The following WTIP variants were observed in gnomAD, a reference collection of about 807,000 sequenced individuals.
WTIP encodes Wilms tumor protein 1-interacting protein.
WTIP carries 23 observed loss-of-function variants against 41.7 expected under a neutral mutation model. That is an observed-to-expected ratio of 0.55 (90% confidence interval 0.40 to 0.78). The LOEUF (loss-of-function observed/expected upper bound fraction) is 0.78. Ranked by LOEUF, WTIP falls within the 30% of genes least tolerant of loss-of-function variation. The pLI, the probability that WTIP is intolerant of heterozygous loss-of-function variation, is 0.00. For synonymous variants in WTIP, 314 were observed against 269.9 expected, an observed-to-expected ratio of 1.16 and a Z score of -1.60; for missense variants, 619 against 610.5, an observed-to-expected ratio of 1.01 and a Z score of -0.15.
In WTIP at chr19:34,506,114, G is replaced by C. The variant is rs773199296; in HGVS notation, c.*5845G>C. The C allele has an allele frequency of 6.6e-6, 1 of 152,060 alleles. No homozygotes were observed. The highest frequency in any genetic ancestry group is 2.4e-5 in the African/African-American group (1 of 41,376). The allele number at this position is 152,060 out of a possible 1,614,324, so 9.4% of individuals were successfully genotyped here. On this transcript the variant is annotated 3_prime_UTR_variant, in exon 8 of 8. Transcript: ENST00000590071. Reference sequence around the variant, plus strand: ...CTTCTGCGCTCTGAATGTGCACTCCGCGTGTTCAGATGCTCATGGTTTCTG... The same window carrying C: ...CTTCTGCGCTCTGAATGTGCACTCCCCGTGTTCAGATGCTCATGGTTTCTG...
intron 5 of WTIP, 50 bp from the exon 6 acceptor site, chr19:34,494,536 T>C: frequency 6.3e-7 from 1 of 1,592,000 alleles, no homozygotes; most frequent in South Asian, 1.1e-5. Context: ...CTTGTGCCCT[T>C]GGCCTCTGGT....
Position 34,482,256 on chromosome 19 carries a change from G to T in WTIP, c.282G>T (p.Ala94=). ...CGGGCAGCCCACGGGCCAGCCTGGC[G>T]GGGTCCGACGGCGGCGGCGGTGGCG... is the stretch of plus-strand genomic sequence containing the variant. ...QPAGSPRASL[A]GSDGGGGGGS... The change falls in exon 1 of 8, where the codon GCG becomes GCT. Residue 94 remains alanine (A), a synonymous_variant. Coordinates refer to ENST00000590071, the MANE Select transcript of WTIP (RefSeq NM_001080436.2). 1 of 1,279,680 alleles carries T rather than the reference G, an allele frequency of 7.8e-7. No homozygotes were observed. The highest frequency in any genetic ancestry group is 9.9e-7 in the Non-Finnish European group (1 of 1,006,600). The allele number at this position is 1,279,680 out of a possible 1,614,324, so 79.3% of individuals were successfully genotyped here.
chr19:34,496,981 G>C (rs1216297557), intron 7 of WTIP, among the ~76,000 whole-genome samples: 3 of 152,110 alleles, frequency 2.0e-5, no homozygotes, highest in Non-Finnish European at 2.9e-5. Flanking sequence ...TCCTGCCTCA[G>C]CCTCCTGAGT....
chr19:34,497,968 G>A (rs1208590085), intron 7 of WTIP, among the ~76,000 whole-genome samples: 3 of 152,188 alleles, frequency 2.0e-5, no homozygotes, highest in Admixed American at 6.5e-5. Context: ...TGGTGGTGCT[G>A]TGCTGCCGCG....
Position 34,493,208 on chromosome 19 carries a change from G to A in WTIP, c.838-55G>A, listed in dbSNP as rs1018951021. 4.5e-5 allele frequency: 73 copies of A among 1,612,912 alleles called. No homozygotes were observed. The highest frequency in any genetic ancestry group is 6.0e-5 in the Non-Finnish European group (71 of 1,179,194). On this transcript the variant is annotated intron_variant, in intron 3 of 7. Coordinates refer to ENST00000590071, the MANE Select transcript of WTIP (RefSeq NM_001080436.2). The surrounding 1 kb of genome is among the most constrained non-coding windows in gnomAD (Gnocchi z 4.1). ...TGAGGCCAGGAGGCAGGTGCTAGCT[G>A]GGCCGCGAGTGCCCCTTTGTCACAC...
rs1190465562 is a variant in WTIP, at chr19:34,482,659, G to T, written c.667+18G>T. Reference sequence around the variant, plus strand: ...CTACTTCGGTGAGCTCGCTCGGCCCGGCAGTTCCCTGCGCGCATGGCTGGG... The same window carrying T: ...CTACTTCGGTGAGCTCGCTCGGCCCTGCAGTTCCCTGCGCGCATGGCTGGG... On this transcript the variant is annotated intron_variant, in intron 1 of 7. Transcript: ENST00000590071. 3 of 1,226,524 alleles carry T rather than the reference G, an allele frequency of 2.4e-6. No individual in the cohort carries two copies. The highest frequency in any genetic ancestry group is 3.0e-6 in the Non-Finnish European group (3 of 984,758). The allele number at this position is 1,226,524 out of a possible 1,614,324, so 76.0% of individuals were successfully genotyped here.
chr19:34,493,086 C>CT lies in WTIP; in HGVS notation c.820dup (p.Cys274LeufsTer48). The stretch of plus-strand genomic sequence containing the variant: ...TCTACAACGTGGGTGAGAAAGTGTA[C>CT]TGCCAGGAGGACTTCCTGGTGAGTC... On this transcript the variant is annotated frameshift_variant, in exon 3 of 8. Transcript: ENST00000590071. LOFTEE classifies it high-confidence loss of function. The surrounding 1 kb of genome is among the most constrained non-coding windows in gnomAD (Gnocchi z 4.1). 1 of 1,613,956 alleles carries CT rather than the reference C, an allele frequency of 6.2e-7. No homozygotes were observed. Among genetic ancestry groups the CT allele is most frequent in the Non-Finnish European group, 8.5e-7 (1 of 1,179,878 alleles).
At position 34,509,555 on chromosome 19, in the gene WTIP, T is replaced by C. The variant is rs1279625654; in HGVS notation, c.*9286T>C. ...TGGGTGGAGACACAGAGCCAAACGATATCATTCTGCCCCTGGCCCCTTCAA... is the reference window on the plus strand; with the variant it reads ...TGGGTGGAGACACAGAGCCAAACGACATCATTCTGCCCCTGGCCCCTTCAA... On this transcript the variant is annotated 3_prime_UTR_variant, in exon 8 of 8. Transcript: ENST00000590071. The C allele has an allele frequency of 1.3e-5, 2 of 152,166 alleles. No homozygotes were observed. Among genetic ancestry groups the C allele is most frequent in the Non-Finnish European group, 2.9e-5 (2 of 68,022 alleles). 9.4% of individuals were successfully genotyped at this position (152,166 alleles called of 1,614,324 possible). A position where few individuals can be genotyped will look rare whatever the true frequency, so the allele number is the denominator to read the frequency against.
chr19:34,499,773 C>G (rs1028125011), intron 7 of WTIP, among the ~76,000 whole-genome samples: 2 of 151,462 alleles, frequency 1.3e-5, no homozygotes, highest in African/African-American at 4.9e-5. Context: ...GCTCTCTGCT[C>G]TCTGCAACCT....
intron 7 of WTIP, 95 bp from the exon 8 acceptor site, chr19:34,500,034 A>G (rs1232024885): frequency 4.6e-6 from 7 of 1,507,872 alleles, no homozygotes; most frequent in African/African-American, 1.4e-5. Flanking sequence ...GGCACCCTGC[A>G]GATCTGCCCC....
intron 6 of WTIP, 142 bp from the exon 7 acceptor site, chr19:34,495,561 A>G: frequency 1.2e-6 from 1 of 847,424 alleles, no homozygotes; most frequent in African/African-American, 1.7e-5. Flanking sequence ...GTCCCGCCCC[A>G]CAGAAGCAGC....
At chr19:34,486,368 G>GTT (rs958334274) in intron 1 of WTIP, among the ~76,000 whole-genome samples, 18 of 132,008 alleles carry the variant, frequency 1.4e-4, no homozygotes, top group Admixed American at 2.3e-4. Flanking sequence ...TTGTCAGTTT[G>GTT]TTTTTTTTTT....
At chr19:34,483,277 G>T (rs1436737262) in intron 1 of WTIP, among the ~76,000 whole-genome samples, 7 of 149,612 alleles carry the variant, frequency 4.7e-5, no homozygotes, top group African/African-American at 1.7e-4. Context: ...GCCCTCCTCG[G>T]CCTCCCAAGG....
chr19:34,500,012 A>T, intron 7 of WTIP, 117 bp from the exon 8 acceptor site: 3 of 1,422,694 alleles, frequency 2.1e-6, no homozygotes, highest in Non-Finnish European at 2.8e-6. Context: ...AAGAGTCTTC[A>T]TGTTGTTTTG....
intron 7 of WTIP, 31 bp from the exon 8 acceptor site, chr19:34,500,098 C>T (rs1385876905): frequency 4.4e-6 from 7 of 1,595,910 alleles, no homozygotes; most frequent in Non-Finnish European, 5.9e-6. Flanking sequence ...TGTCTGCTGA[C>T]TCTGGGGCTG....
intron 1 of WTIP, among the ~76,000 whole-genome samples, chr19:34,487,748 G>A (rs2075804974): frequency 6.6e-6 from 1 of 152,020 alleles, no homozygotes; most frequent in Admixed American, 6.5e-5. Flanking sequence ...AAGGTCGGGG[G>A]AGGGCAGCAT....
intron 1 of WTIP, among the ~76,000 whole-genome samples, chr19:34,484,084 G>A (rs1307663681): frequency 1.3e-5 from 2 of 151,930 alleles, no homozygotes; most frequent in Non-Finnish European, 1.5e-5. Context: ...GCGCCACCAC[G>A]CCCAGCTAAT....
In WTIP at chr19:34,482,650, G is replaced by T. The variant is rs1381559052; in HGVS notation, c.667+9G>T. ...GGCGCGGGACTACTTCGGTGAGCTC[G>T]CTCGGCCCGGCAGTTCCCTGCGCGC... On this transcript the variant is annotated intron_variant, in intron 1 of 7. Coordinates refer to ENST00000590071, the MANE Select transcript of WTIP (RefSeq NM_001080436.2). 8.1e-7 allele frequency: 1 copy of T among 1,227,022 alleles called. No homozygotes were observed. Among genetic ancestry groups the T allele is most frequent in the Non-Finnish European group, 1.0e-6 (1 of 984,954 alleles). The allele number at this position is 1,227,022 out of a possible 1,614,324, so 76.0% of individuals were successfully genotyped here.
chr19:34,491,905 A>G (rs2075827320), intron 2 of WTIP, among the ~76,000 whole-genome samples: 1 of 151,652 alleles, frequency 6.6e-6, no homozygotes, highest in Non-Finnish European at 1.5e-5. Flanking sequence ...TGGCCTCCCA[A>G]AGTGCTGGGA....
Sources: allele counts gnomAD v4.1 joint callset (sites outside exome capture counted in the v4.1 genomes callset), GRCh38; gene constraint gnomAD v4.1.1; non-coding constraint Gnocchi (gnomAD v3.1); transcripts MANE v1.5; gene names NCBI Gene and HGNC (gene_info 2026-07-23, HGNC 2026-07-21).